The following SEC16B variants were observed in gnomAD, a reference collection of about 807,000 sequenced individuals.
SEC16B encodes the protein SEC16 homolog B, endoplasmic reticulum export factor, also known as protein transport protein Sec16B.
In SEC16B, 115 loss-of-function variants were observed where a neutral mutation model predicts 141.8. The observed-to-expected ratio is 0.81, with a 90% CI of 0.70 to 0.95. The LOEUF (loss-of-function observed/expected upper bound fraction) is 0.95, where lower values mean the gene tolerates loss of function less well. Ranked by LOEUF, SEC16B falls within the 40% of genes least tolerant of loss-of-function variation. The pLI, the probability that SEC16B is intolerant of heterozygous loss-of-function variation, is 0.00. For synonymous variants in SEC16B, 493 were observed against 492.5 expected (o/e 1.00, Z -0.01); for missense variants, 1,291 against 1,312.3 (o/e 0.98, Z 0.25).
intron 17 of SEC16B, 66 bp downstream of exon 17, chr1:177,940,544 G>A: frequency 8.8e-7 from 1 of 1,141,906 alleles, no homozygotes; most frequent in Non-Finnish European, 1.3e-6. Context: ...CCTGTTCCAT[G>A]TCTAGGGGTG....
intron 14 of SEC16B, chr1:177,945,868 C>T (rs112444291): frequency 0.013 from 2,279 of 170,770 alleles, 80 homozygotes; most frequent in African/African-American, 0.052. Flanking sequence ...TGCATTCATT[C>T]ACTGAGAGCT....
upstream of SEC16B, among the ~76,000 whole-genome samples, chr1:177,970,385 C>T (rs962456913): frequency 6.6e-6 from 1 of 152,184 alleles, no homozygotes; most frequent in South Asian, 2.1e-4. Context: ...ATGGGAATGG[C>T]AATGCTTAGC....
Position 177,958,206 on chromosome 1 carries a change from T to A in SEC16B, c.1291A>T (p.Ile431Phe). 1.3e-6 allele frequency: 2 copies of A among 1,599,130 alleles called. No homozygotes were observed. The highest frequency in any genetic ancestry group is 2.3e-5 in the South Asian group (2 of 87,018). ...GCAGGTGTCTCCACACTGGGGGGGA[T>A]CTCTCCCGTGAGCAGGTTCGGGGTC... Reference protein sequence around the residue: ...SGTPNLLTGEIPPSVETPAQI... With the variant: ...SGTPNLLTGEFPPSVETPAQI... Residue 431 changes from isoleucine (I) to phenylalanine (F), a missense_variant, in exon 10 of 26, where the codon ATC (isoleucine) becomes TTC (phenylalanine). This residue lies in a region of SEC16B where 681 missense variants were observed against 675.5 expected (regional missense o/e 1.01). Transcript: ENST00000308284.
In SEC16B at chr1:177,933,288, A is replaced by G; in HGVS notation, c.2749T>C (p.Trp917Arg). The G allele has an allele frequency of 1.2e-6, 2 of 1,600,854 alleles. No individual in the cohort carries two copies. Among genetic ancestry groups the G allele is most frequent in the Non-Finnish European group, 1.7e-6 (2 of 1,173,884 alleles). ...TKSSGFGWFSWFRSKPTKNAS... is the reference protein window; with the variant it reads ...TKSSGFGWFSRFRSKPTKNAS... ...TTCTTGGTGGGCTTCGATCGAAACC[A>G]GCTGAACCAGCCAAACCCTGAGCTC... Residue 917 changes from tryptophan to arginine, a missense_variant, in exon 22 of 26, where the codon TGG becomes CGG. Transcript: ENST00000308284.
At chr1:177,961,809 C>A in intron 5 of SEC16B, 75 bp from the exon 6 acceptor site, 1 of 1,334,000 alleles carries the variant, frequency 7.5e-7, no homozygotes, top group Non-Finnish European at 1.1e-6. Context: ...TTCAAAGAAA[C>A]AAAATACATA....
At chr1:177,956,873 T>A (rs1040915891) in intron 10 of SEC16B, among the ~76,000 whole-genome samples, 4 of 152,198 alleles carry the variant, frequency 2.6e-5, no homozygotes, top group African/African-American at 9.6e-5. Flanking sequence ...GATGATTTTG[T>A]GGGTTATGGT....
intron 12 of SEC16B, chr1:177,948,755 G>C (rs1330415951): frequency 2.6e-6 from 3 of 1,134,858 alleles, no homozygotes; most frequent in East Asian, 1.2e-4. Flanking sequence ...CCTACCTTGA[G>C]CAAGTTTCTT....
Position 177,944,606 on chromosome 1 carries a change from G to T in SEC16B, c.1836C>A (p.Tyr612Ter), listed in dbSNP as rs1651530412. 2 of 1,613,824 alleles carry T rather than the reference G, an allele frequency of 1.2e-6. No individual in the cohort carries two copies. Among genetic ancestry groups the T allele is most frequent in the South Asian group, 2.2e-5 (2 of 91,084 alleles). ...ATTTGGGGCGGCCCAGCATCTGACA[G>T]TACTCGAAGATTTCCGTCCTCTGGA... ...EAIQRTEIFEYCQMLGRPKSF... is the reference protein window; with the variant it reads ...EAIQRTEIFE Residue 612 changes from tyrosine to a stop codon, truncating the protein, a stop_gained, in exon 15 of 26, where the codon TAC becomes TAA. Coordinates refer to ENST00000308284, the MANE Select transcript of SEC16B (RefSeq NM_033127.4). LOFTEE classifies it high-confidence loss of function.
intron 20 of SEC16B, among the ~76,000 whole-genome samples, chr1:177,933,997 A>ACCC (rs1557966772): frequency 6.7e-6 from 1 of 149,078 alleles, no homozygotes; most frequent in African/African-American, 2.5e-5. Context: ...GCTCCCCCCA[A>ACCC]AAAAAAAAAA....
At chr1:177,955,295 G>C (rs1415395765) in intron 10 of SEC16B, among the ~76,000 whole-genome samples, 1 of 151,914 alleles carries the variant, frequency 6.6e-6, no homozygotes, top group Non-Finnish European at 1.5e-5. Flanking sequence ...AGGAGTTTGA[G>C]ACCAGCCCTG....
rs777847574 is a variant in SEC16B, at chr1:177,937,423, G to A, written c.2294C>T (p.Thr765Ile). 1.9e-6 allele frequency: 3 copies of A among 1,608,238 alleles called. No homozygotes were observed. Among genetic ancestry groups the A allele is most frequent in the South Asian group, 1.1e-5 (1 of 89,860 alleles). Residue 765 changes from threonine to isoleucine, a missense_variant, in exon 19 of 26, where the codon ACC becomes ATC. Thr to Ile is a moderately conservative substitution (Grantham distance 89, BLOSUM62 -1). Coordinates refer to ENST00000308284, the MANE Select transcript of SEC16B (RefSeq NM_033127.4). ...RSALWLTPEQ[T>I]CLLQPSPQQP... ...CTGTGGGCTGGGCTGGAGCAGGCAG[G>A]TCTGCTCAGGTGTCAGCCACAGAGC... is the stretch of plus-strand genomic sequence containing the variant.
At position 177,958,989 on chromosome 1, in the gene SEC16B, A is replaced by G. The variant is rs1485710610; in HGVS notation, c.999-14T>C. On this transcript the variant is annotated splice_polypyrimidine_tract_variant and intron_variant, in intron 8 of 25. Coordinates refer to ENST00000308284, the MANE Select transcript of SEC16B (RefSeq NM_033127.4). ...TGTACATCTTCCCTACATGGAAAAA[A>G]TTTAGGGAGCAAAGAGTGAGCAGGC... The G allele has an allele frequency of 1.2e-6, 2 of 1,609,916 alleles. No individual in the cohort carries two copies. Among genetic ancestry groups the G allele is most frequent in the South Asian group, 1.1e-5 (1 of 90,238 alleles).
chr1:177,950,990 G>A (rs1652147657), intron 12 of SEC16B, among the ~76,000 whole-genome samples: 1 of 117,682 alleles, frequency 8.5e-6, no homozygotes, highest in Non-Finnish European at 1.8e-5. Flanking sequence ...GGGAGGGGAG[G>A]GGAGGGAGGA....
intron 2 of SEC16B, among the ~76,000 whole-genome samples, chr1:177,966,343 A>G (rs970904934): frequency 2.6e-5 from 4 of 152,314 alleles, no homozygotes; most frequent in Non-Finnish European, 5.9e-5. Flanking sequence ...CCATCCTGAT[A>G]TTATCTGAGA....
chr1:177,933,767 A>C (rs1557966527), intron 20 of SEC16B, 131 bp from the exon 21 acceptor site: 1 of 903,580 alleles, frequency 1.1e-6, no homozygotes. Context: ...TGTACTGAAG[A>C]GGAAGGAAGG....
intron 8 of SEC16B, 130 bp from the exon 9 acceptor site, chr1:177,959,105 C>T: frequency 1.1e-6 from 1 of 944,876 alleles, no homozygotes; most frequent in South Asian, 1.4e-5. Context: ...CAAGCCAGGG[C>T]TAAGGTAATG....
chr1:177,931,866 G>C (rs923928818), intron 24 of SEC16B, among the ~76,000 whole-genome samples: 1 of 152,150 alleles, frequency 6.6e-6, no homozygotes, highest in Non-Finnish European at 1.5e-5. Flanking sequence ...AACTCATCAA[G>C]AATTTGTCAC....
rs1007357282 is a variant in SEC16B at position 177,954,476 on chromosome 1, C to T, written c.1366-100G>A. 3 of 944,526 alleles carry T rather than the reference C, an allele frequency of 3.2e-6. No individual in the cohort carries two copies. The African/African-American group carries it at 4.9e-5, about 16-fold the overall frequency. 58.5% of individuals were successfully genotyped at this position (944,526 alleles called of 1,614,324 possible). Reference sequence around the variant, plus strand: ...TGCATCCTGAGCAGCAGAGGCTAGGCTTCCAGAAAACTCTTAGAGCCTCAT... The same window carrying T: ...TGCATCCTGAGCAGCAGAGGCTAGGTTTCCAGAAAACTCTTAGAGCCTCAT... On this transcript the variant is annotated intron_variant, in intron 10 of 25. Transcript: ENST00000308284.
chr1:177,972,342 C>A (rs146079241), upstream of SEC16B, among the ~76,000 whole-genome samples: 1 of 152,202 alleles, frequency 6.6e-6, no homozygotes, highest in Admixed American at 6.5e-5. Context: ...CACATAACTA[C>A]AATTACTAAG....
Sources: gnomAD v4.1 joint callset for allele counts (sites outside exome capture counted in the v4.1 genomes callset) on GRCh38, gnomAD v4.1.1 for gene constraint, gnomAD v4.1.1 regional missense constraint, MANE v1.5 for transcripts, NCBI Gene and HGNC (gene_info 2026-07-23, HGNC 2026-07-21) for gene names.